Variants in FNDC3A observed in about 807,000 individuals in gnomAD.
The protein encoded by FNDC3A is fibronectin type III domain containing 3A.
In FNDC3A, 32 loss-of-function variants were observed where a neutral mutation model predicts 148.9. The observed-to-expected ratio is 0.21, with a 90% CI of 0.16 to 0.29. The LOEUF is 0.29. Among genes scored for constraint, FNDC3A ranks in the 10% least tolerant of loss-of-function variants. FNDC3A has a pLI of 1.00. For missense variants in FNDC3A, 1,191 were observed against 1,452.8 expected (o/e 0.82, Z 2.93); for synonymous variants, 472 against 473.6 (o/e 1.00, Z 0.04).
chr13:49,174,469 T>A lies in FNDC3A; in HGVS notation c.1265T>A (p.Met422Lys), dbSNP rs1411829382. 7 of 1,612,008 alleles carry A rather than the reference T, an allele frequency of 4.3e-6. No individual in the cohort carries two copies. Among genetic ancestry groups the A allele is most frequent in the Non-Finnish European group, 5.9e-6 (7 of 1,178,346 alleles). Residue 422 changes from methionine (M) to lysine (K), a missense_variant, in exon 12 of 26, where the codon ATG (methionine) becomes AAG (lysine). Met to Lys is a moderately conservative substitution (Grantham distance 95). Coordinates refer to ENST00000492622, the MANE Select transcript of FNDC3A (RefSeq NM_001079673.2). ...AATGGAGAATTTTGTCAGTGTTACATGGGCTCACAGAAACAATTTAAAATT... is the reference window on the plus strand; with the variant it reads ...AATGGAGAATTTTGTCAGTGTTACAAGGGCTCACAGAAACAATTTAAAATT... Reference protein sequence around the residue: ...KGNGEFCQCYMGSQKQFKITK... With the variant: ...KGNGEFCQCYKGSQKQFKITK...
intron 17 of FNDC3A, among the ~76,000 whole-genome samples, chr13:49,189,719 A>G (rs1324197052): frequency 6.6e-6 from 1 of 152,224 alleles, no homozygotes; most frequent in African/African-American, 2.4e-5. Context: ...TGGATTTCAG[A>G]AAAGCAACAA....
intron 1 of FNDC3A, among the ~76,000 whole-genome samples, chr13:48,991,341 A>G (rs1241993371): frequency 3.3e-5 from 5 of 152,210 alleles, no homozygotes; most frequent in African/African-American, 7.2e-5. Flanking sequence ...GGATTATTTC[A>G]TACTAGTAAA....
chr13:49,022,703 C>T (rs957906458), intron 2 of FNDC3A, among the ~76,000 whole-genome samples: 3 of 152,072 alleles, frequency 2.0e-5, no homozygotes, highest in Admixed American at 6.5e-5. Context: ...TGCAGCTTTG[C>T]CTGGCAAATA....
intron 13 of FNDC3A, among the ~76,000 whole-genome samples, chr13:49,176,414 CA>C (rs537832626): frequency 1.5e-3 from 235 of 151,952 alleles, no homozygotes; most frequent in African/African-American, 5.3e-3. Flanking sequence ...TTCTCACTCA[CA>C]AGTGGGAACT....
rs1162255687 is a variant in FNDC3A, at chr13:49,177,345, TAA to T, written c.1531-1220_1531-1219del. Among the ~76,000 whole-genome samples, 4 of 152,322 alleles carry T rather than the reference TAA, an allele frequency of 2.6e-5. No homozygotes were observed. In the East Asian group the frequency reaches 7.7e-4, roughly 29 times the overall value. On this transcript the variant is annotated intron_variant, in intron 13 of 25. Transcript: ENST00000492622. ...CTTCCCAAGGTGTCACAGAAGATTTTAAAAGTTTCCTGTGAAACTGTAGTACA... is the reference window on the plus strand; with the variant it reads ...CTTCCCAAGGTGTCACAGAAGATTTTAAGTTTCCTGTGAAACTGTAGTACA...
chr13:49,118,849 C>G (rs1227709056), intron 4 of FNDC3A, among the ~76,000 whole-genome samples: 1 of 152,202 alleles, frequency 6.6e-6, no homozygotes, highest in East Asian at 1.9e-4. Flanking sequence ...AAGGCTCCAG[C>G]CCCAGTCAGG....
At chr13:49,055,750 TTTGA>T (rs1280023702) in intron 2 of FNDC3A, among the ~76,000 whole-genome samples, 2 of 152,110 alleles carry the variant, frequency 1.3e-5, no homozygotes, top group Non-Finnish European at 2.9e-5. Flanking sequence ...CTTACATGTA[TTTGA>T]TTGATGTTTT....
intron 2 of FNDC3A, among the ~76,000 whole-genome samples, chr13:49,066,923 T>C (rs1042127068): frequency 2.6e-5 from 4 of 152,206 alleles, no homozygotes; most frequent in African/African-American, 7.2e-5. Flanking sequence ...AGCATTGTTT[T>C]GCATCTGTAT....
At chr13:49,164,745 A>C (rs1398281189) in intron 8 of FNDC3A, among the ~76,000 whole-genome samples, 2 of 151,854 alleles carry the variant, frequency 1.3e-5, no homozygotes, top group Non-Finnish European at 2.9e-5. Context: ...AGTAGCTGGG[A>C]TTACAGGTGC....
At chr13:49,094,857 T>C (rs1879424132) in intron 3 of FNDC3A, among the ~76,000 whole-genome samples, 1 of 152,056 alleles carries the variant, frequency 6.6e-6, no homozygotes, top group Non-Finnish European at 1.5e-5. Context: ...TAATTAGGTG[T>C]TTGCTTTAAT....
At chr13:48,979,758 C>A (rs998231727) in intron 1 of FNDC3A, among the ~76,000 whole-genome samples, 4 of 151,750 alleles carry the variant, frequency 2.6e-5, no homozygotes, top group African/African-American at 9.7e-5. Flanking sequence ...GTGTAGAGTG[C>A]TAGATAATTA....
intron 2 of FNDC3A, among the ~76,000 whole-genome samples, chr13:49,009,764 G>A (rs955506798): frequency 1.3e-5 from 2 of 152,130 alleles, no homozygotes; most frequent in Non-Finnish European, 2.9e-5. Context: ...TTCTTGTGTG[G>A]TTTAGCAGTT....
rs1367676621 is a variant in FNDC3A, at chr13:49,198,188, T to C, written c.2697T>C (p.Phe899=). Residue 899 remains phenylalanine, a synonymous_variant, in exon 22 of 26, where the codon TTT becomes TTC. Coordinates refer to ENST00000492622, the MANE Select transcript of FNDC3A (RefSeq NM_001079673.2). ...GSEILAYSID[F]GDKQSLTVGK... The stretch of plus-strand genomic sequence containing the variant: ...AAATCCTTGCCTACAGCATAGACTT[T>C]GGAGATAAACAATCCCTAACAGTGG... 1.9e-6 allele frequency: 3 copies of C among 1,614,094 alleles called. No homozygotes were observed. Among genetic ancestry groups the C allele is most frequent in the East Asian group, 4.5e-5 (2 of 44,900 alleles).
intron 3 of FNDC3A, among the ~76,000 whole-genome samples, chr13:49,086,024 A>G (rs1878787903): frequency 6.6e-6 from 1 of 152,160 alleles, no homozygotes; most frequent in Non-Finnish European, 1.5e-5. Context: ...CTGGGATTAC[A>G]GGCACTTGCC....
intron 1 of FNDC3A, among the ~76,000 whole-genome samples, chr13:48,998,292 C>T (rs1952059758): frequency 6.6e-6 from 1 of 152,152 alleles, no homozygotes; most frequent in Non-Finnish European, 1.5e-5. Flanking sequence ...TCAGGTTGAG[C>T]ATCCCTAAAT....
intron 1 of FNDC3A, among the ~76,000 whole-genome samples, chr13:48,991,163 T>C (rs1032836180): frequency 1.1e-4 from 17 of 152,214 alleles, no homozygotes; most frequent in Non-Finnish European, 2.1e-4. Flanking sequence ...GATACAATTT[T>C]TTAAAATTAA....
Position 49,180,377 on chromosome 13 carries a change from G to A in FNDC3A, c.1617+1723G>A, listed in dbSNP as rs976647105. On this transcript the variant is annotated intron_variant, in intron 14 of 25. Transcript: ENST00000492622. ...TAGCAATGGGAAATTTGATTATTTA[G>A]CACATAATAATTGTTATGCTTTATT... Among the ~76,000 whole-genome samples, 3 of 152,076 alleles carry A rather than the reference G, an allele frequency of 2.0e-5. No homozygotes were observed. The East Asian group carries it at 5.8e-4, about 29-fold the overall frequency.
At chr13:49,092,430 T>G (rs1344428761) in intron 3 of FNDC3A, among the ~76,000 whole-genome samples, 1 of 152,200 alleles carries the variant, frequency 6.6e-6, no homozygotes, top group East Asian at 1.9e-4. Context: ...TTTTTCTGCC[T>G]TCTTATCTTC....
intron 2 of FNDC3A, among the ~76,000 whole-genome samples, chr13:49,010,055 G>A (rs1179800250): frequency 6.6e-6 from 1 of 152,228 alleles, no homozygotes; most frequent in Non-Finnish European, 1.5e-5. Context: ...CAAAGAAGGG[G>A]ACGTATCATG....
Sources: allele counts gnomAD v4.1 joint callset (sites outside exome capture counted in the v4.1 genomes callset), GRCh38; gene constraint gnomAD v4.1.1; transcripts MANE v1.5; gene names NCBI Gene and HGNC (gene_info 2026-07-23, HGNC 2026-07-21).